REEP6: variants seen among roughly 807,000 people sequenced by gnomAD.
The protein encoded by REEP6 is receptor accessory protein 6.
A neutral mutation model predicts 22.4 loss-of-function variants in REEP6; 19 were observed. That is an observed-to-expected ratio of 0.85 (90% CI 0.59 to 1.25). The LOEUF (loss-of-function observed/expected upper bound fraction) is 1.25, where lower values mean the gene tolerates loss of function less well. REEP6 is among the 50% of genes most tolerant of loss of function. The pLI, the probability that REEP6 is intolerant of heterozygous loss-of-function variation, is 0.00. For missense variants in REEP6, 273 were observed against 251.9 expected (o/e 1.08, Z -0.57); for synonymous variants, 121 against 113.6 (o/e 1.06, Z -0.41).
In REEP6 at chr19:1,497,142, C is replaced by CCG; in HGVS notation, c.518-32_518-31insCG. ...CTCCGGGGAGCCCAGGCCTGCCTCACGGCCCTCCCCCACCCGCCCCTCTCT... is the reference window on the plus strand; with the variant it reads ...CTCCGGGGAGCCCAGGCCTGCCTCACCGGGCCCTCCCCCACCCGCCCCTCTCT... On this transcript the variant is annotated intron_variant, in intron 4 of 4. Transcript: ENST00000233596. The surrounding 1 kb of genome is among the most constrained non-coding windows in gnomAD (Gnocchi z 6.5). 4 of 1,354,858 alleles carry CCG rather than the reference C, an allele frequency of 3.0e-6. No individual in the cohort carries two copies. Among genetic ancestry groups the CCG allele is most frequent in the Non-Finnish European group, 4.0e-6 (4 of 1,010,686 alleles). 83.9% of individuals were successfully genotyped at this position (1,354,858 alleles called of 1,614,324 possible).
Position 1,494,832 on chromosome 19 carries a change from A to C in REEP6, c.116-462A>C, listed in dbSNP as rs532529237. On this transcript the variant is annotated intron_variant, in intron 1 of 4. Coordinates refer to ENST00000233596, the MANE Select transcript of REEP6 (RefSeq NM_138393.4). The stretch of plus-strand genomic sequence containing the variant: ...CCCCAGCAGCTGGGACTACAGGCAC[A>C]CACCGCCATGCCTGGCTAATCTTTT... Among the ~76,000 whole-genome samples, 846 of 152,234 alleles carry C rather than the reference A, an allele frequency of 5.6e-3. 1 individual carries two copies. Among genetic ancestry groups the C allele is most frequent in the Middle Eastern group, 0.017 (5 of 294 alleles).
chr19:1,496,246 C>A, intron 3 of REEP6, 39 bp from the exon 4 acceptor site: 1 of 1,575,722 alleles, frequency 6.3e-7, no homozygotes, highest in Non-Finnish European at 8.6e-7. Flanking sequence ...GGGCACAGAG[C>A]TGGGTGGGCC....
Position 1,497,787 on chromosome 19 carries a change from A to C in REEP6, c.*576A>C. ...CGAGCTGGTCCCCTGCCATTCCGGG[A>C]CCTCTCTGGAGTACACTTCGGAGTC... On this transcript the variant is annotated 3_prime_UTR_variant, in exon 5 of 5. Transcript: ENST00000233596. The surrounding 1 kb of genome is among the most constrained non-coding windows in gnomAD (Gnocchi z 6.5). 1 of 470,408 alleles carries C rather than the reference A, an allele frequency of 2.1e-6. No homozygotes were observed. The highest frequency in any genetic ancestry group is 2.3e-5 in the Admixed American group (1 of 42,560). 29.1% of individuals were successfully genotyped at this position (470,408 alleles called of 1,614,324 possible).
chr19:1,496,386 C>T lies in REEP6; in HGVS notation c.450C>T (p.Ala150=), dbSNP rs777984026. The change falls in exon 4 of 5, where the codon GCC becomes GCT. Residue 150 remains alanine (A), a synonymous_variant. Coordinates refer to ENST00000233596, the MANE Select transcript of REEP6 (RefSeq NM_138393.4). ...CGCTGTTCCTAAGGCACCACGGGGCCGTAGACAGAATCATGAACGACCTCA... is the reference window on the plus strand; with the variant it reads ...CGCTGTTCCTAAGGCACCACGGGGCTGTAGACAGAATCATGAACGACCTCA... ...VRPLFLRHHG[A]VDRIMNDLSG... is the part of the protein sequence containing the mutation. 13 of 1,613,072 alleles carry T rather than the reference C, an allele frequency of 8.1e-6. No individual in the cohort carries two copies. Among genetic ancestry groups the T allele is most frequent in the African/African-American group, 2.7e-5 (2 of 74,922 alleles).
At position 1,495,398 on chromosome 19, in the gene REEP6, G is replaced by A. The variant is rs201434057; in HGVS notation, c.209+11G>A. ...CCCCGCATATGCCTCGTGAGTGCAC[G>A]GCTGGCTGCCCACGCGGGGGGTTCT... On this transcript the variant is annotated intron_variant, in intron 2 of 4. Coordinates refer to ENST00000233596, the MANE Select transcript of REEP6 (RefSeq NM_138393.4). 59 of 1,613,688 alleles carry A rather than the reference G, an allele frequency of 3.7e-5. No homozygotes were observed. The highest frequency in any genetic ancestry group is 4.8e-5 in the Non-Finnish European group (57 of 1,180,024).
intron 3 of REEP6, 181 bp from the exon 4 acceptor site, chr19:1,496,104 C>T (rs1301784226): frequency 2.5e-5 from 18 of 710,996 alleles, no homozygotes; most frequent in Admixed American, 1.2e-4. Flanking sequence ...TATCTGATGG[C>T]GAAAACCCAG....
At position 1,491,308 on chromosome 19, in the gene REEP6, G is replaced by A; in HGVS notation, c.39G>A (p.Glu13=). ...GLRQRVEHFL[E]QRNLVTEVLG... ...GGCAGCGCGTGGAGCACTTCCTGGA[G>A]CAAAGGAACCTGGTCACCGAAGTGC... The change falls in exon 1 of 5, where the codon GAG becomes GAA. Residue 13 remains glutamate (E), a synonymous_variant. Transcript: ENST00000233596. This position sits in a 1 kb window ranked among gnomAD's most constrained non-coding sequence, Gnocchi z 5.4. 5 of 1,478,204 alleles carry A rather than the reference G, an allele frequency of 3.4e-6. No homozygotes were observed. Among genetic ancestry groups the A allele is most frequent in the East Asian group, 3.0e-5 (1 of 33,688 alleles). 91.6% of individuals were successfully genotyped at this position (1,478,204 alleles called of 1,614,324 possible). A position where few individuals can be genotyped will look rare whatever the true frequency, so the allele number is the denominator to read the frequency against.
At chr19:1,495,956 G>GC in intron 3 of REEP6, 2 of 533,106 alleles carry the variant, frequency 3.8e-6, no homozygotes, top group South Asian at 2.4e-5. Flanking sequence ...CACTTAAAGG[G>GC]TGTCTGATGG....
rs1029942510 is a variant in REEP6 at position 1,497,036 on chromosome 19, A to C, written c.518-138A>C. ...CCATGAAAGCCTCTGTGTGGTTGAC[A>C]CCATCTCTGCTGAGGGTGGCTGCCC... On this transcript the variant is annotated intron_variant, in intron 4 of 4. Transcript: ENST00000233596. This position sits in a 1 kb window ranked among gnomAD's most constrained non-coding sequence, Gnocchi z 6.5. 1 of 664,730 alleles carries C rather than the reference A, an allele frequency of 1.5e-6. No homozygotes were observed. Among genetic ancestry groups the C allele is most frequent in the Non-Finnish European group, 2.5e-6 (1 of 399,666 alleles). The allele number at this position is 664,730 out of a possible 1,614,324, so 41.2% of individuals were successfully genotyped here. A position where few individuals can be genotyped will look rare whatever the true frequency, so the allele number is the denominator to read the frequency against.
chr19:1,497,187 GA>G lies in REEP6; in HGVS notation c.532del (p.Thr178ProfsTer12). 8.1e-7 allele frequency: 1 copy of G among 1,231,640 alleles called. No homozygotes were observed. Among genetic ancestry groups the G allele is most frequent in the South Asian group, 1.5e-5 (1 of 65,970 alleles). 76.3% of individuals were successfully genotyped at this position (1,231,640 alleles called of 1,614,324 possible). Reference protein sequence around the residue: ...GITRNVKPSQTPQPKDK With the variant: ...GITRNVKPSQXPQPKDK ...CTCTCTCTGCAGTCAAGCCAAGCCA[GA>G]CCCCGCAGCCGAAGGACAAGTGAAG... On this transcript the variant is annotated frameshift_variant, in exon 5 of 5. Coordinates refer to ENST00000233596, the MANE Select transcript of REEP6 (RefSeq NM_138393.4). LOFTEE classifies it high-confidence loss of function. The surrounding 1 kb of genome is among the most constrained non-coding windows in gnomAD (Gnocchi z 6.5).
Position 1,495,384 on chromosome 19 carries a change from C to G in REEP6, c.206C>G (p.Ala69Gly). 6.2e-7 allele frequency: 1 copy of G among 1,613,846 alleles called. No homozygotes were observed. The highest frequency in any genetic ancestry group is 2.2e-5 in the East Asian group (1 of 44,888). ...NLIGFVYPAY[A>G]SIKAIESPSK... ...ATCGGATTTGTGTACCCCGCATATG[C>G]CTCGTGAGTGCACGGCTGGCTGCCC... Residue 69 changes from alanine (A) to glycine (G), a missense_variant, in exon 2 of 5, where the codon GCC becomes GGC. Ala to Gly is a moderately conservative substitution (Grantham distance 60, BLOSUM62 0). Coordinates refer to ENST00000233596, the MANE Select transcript of REEP6 (RefSeq NM_138393.4).
intron 3 of REEP6, 75 bp from the exon 4 acceptor site, chr19:1,496,210 A>T: frequency 6.7e-7 from 1 of 1,495,444 alleles, no homozygotes; most frequent in African/African-American, 1.4e-5. Context: ...CATCTGGTGG[A>T]GTGGTGCAGC....
rs987621874 is a variant in REEP6, at chr19:1,497,684, G to C, written c.*473G>C. ...CCCCCAGCAAGTCCTCTGGCAAGCC[G>C]GAGGACGCAGCCCCCAAGACCAGCG... On this transcript the variant is annotated 3_prime_UTR_variant, in exon 5 of 5. Coordinates refer to ENST00000233596, the MANE Select transcript of REEP6 (RefSeq NM_138393.4). This position sits in a 1 kb window ranked among gnomAD's most constrained non-coding sequence, Gnocchi z 6.5. 1 of 474,880 alleles carries C rather than the reference G, an allele frequency of 2.1e-6. No homozygotes were observed. Among genetic ancestry groups the C allele is most frequent in the Non-Finnish European group, 4.3e-6 (1 of 230,268 alleles). The allele number at this position is 474,880 out of a possible 1,614,324, so 29.4% of individuals were successfully genotyped here.
In REEP6 at chr19:1,497,713, A is replaced by G. The variant is rs753734659; in HGVS notation, c.*502A>G. 5.7e-5 allele frequency: 27 copies of G among 472,374 alleles called. No homozygotes were observed. The highest frequency in any genetic ancestry group is 1.0e-4 in the African/African-American group (5 of 50,120). The allele number at this position is 472,374 out of a possible 1,614,324, so 29.3% of individuals were successfully genotyped here. On this transcript the variant is annotated 3_prime_UTR_variant, in exon 5 of 5. Transcript: ENST00000233596. The surrounding 1 kb of genome is among the most constrained non-coding windows in gnomAD (Gnocchi z 6.5). ...GACGCAGCCCCCAAGACCAGCGGACAGCGCCAGAAGGAATCGTCGAAACAG... is the reference window on the plus strand; with the variant it reads ...GACGCAGCCCCCAAGACCAGCGGACGGCGCCAGAAGGAATCGTCGAAACAG...
intron 1 of REEP6, among the ~76,000 whole-genome samples, chr19:1,494,876 G>A (rs1273410563): frequency 6.6e-6 from 1 of 152,166 alleles, no homozygotes; most frequent in East Asian, 1.9e-4. Flanking sequence ...AGTAGAGATG[G>A]GGTTTCACCG....
chr19:1,493,339 G>A (rs1168500033), intron 1 of REEP6, among the ~76,000 whole-genome samples: 2 of 152,148 alleles, frequency 1.3e-5, no homozygotes, highest in African/African-American at 2.4e-5. Flanking sequence ...ACTCAGAGGG[G>A]ACAGTGACTG....
chr19:1,497,351 G>A lies in REEP6; in HGVS notation c.*140G>A. 1 of 833,116 alleles carries A rather than the reference G, an allele frequency of 1.2e-6. No homozygotes were observed. Among genetic ancestry groups the A allele is most frequent in the Non-Finnish European group, 2.0e-6 (1 of 491,672 alleles). The allele number at this position is 833,116 out of a possible 1,614,324, so 51.6% of individuals were successfully genotyped here. On this transcript the variant is annotated 3_prime_UTR_variant, in exon 5 of 5. Coordinates refer to ENST00000233596, the MANE Select transcript of REEP6 (RefSeq NM_138393.4). This position sits in a 1 kb window ranked among gnomAD's most constrained non-coding sequence, Gnocchi z 6.5. Reference sequence around the variant, plus strand: ...CCTCGGGTCCAGGCAAGGCCCTGGGGGTCTCCTTAAATGCCACCTCGGGCA... The same window carrying A: ...CCTCGGGTCCAGGCAAGGCCCTGGGAGTCTCCTTAAATGCCACCTCGGGCA...
chr19:1,497,416 C>G lies in REEP6; in HGVS notation c.*205C>G. 1 of 714,592 alleles carries G rather than the reference C, an allele frequency of 1.4e-6. No homozygotes were observed. 44.3% of individuals were successfully genotyped at this position (714,592 alleles called of 1,614,324 possible). A position where few individuals can be genotyped will look rare whatever the true frequency, so the allele number is the denominator to read the frequency against. On this transcript the variant is annotated 3_prime_UTR_variant, in exon 5 of 5. Coordinates refer to ENST00000233596, the MANE Select transcript of REEP6 (RefSeq NM_138393.4). The surrounding 1 kb of genome is among the most constrained non-coding windows in gnomAD (Gnocchi z 6.5). Reference sequence around the variant, plus strand: ...TCCTCGGCCACCCCCAGCTCTGGATCCCAGGGCCAGCTGCCCTCTGGCTCT... The same window carrying G: ...TCCTCGGCCACCCCCAGCTCTGGATGCCAGGGCCAGCTGCCCTCTGGCTCT...
chr19:1,497,012 C>T lies in REEP6; in HGVS notation c.518-162C>T, dbSNP rs572754507. On this transcript the variant is annotated intron_variant, in intron 4 of 4. Coordinates refer to ENST00000233596, the MANE Select transcript of REEP6 (RefSeq NM_138393.4). The surrounding 1 kb of genome is among the most constrained non-coding windows in gnomAD (Gnocchi z 6.5). ...GTGCACCCATCTGTGCATGGGTGACCATGAAAGCCTCTGTGTGGTTGACAC... is the reference window on the plus strand; with the variant it reads ...GTGCACCCATCTGTGCATGGGTGACTATGAAAGCCTCTGTGTGGTTGACAC... 6.6e-6 allele frequency among the ~76,000 whole-genome samples: 1 copy of T among 152,252 alleles called. No individual in the cohort carries two copies. The highest frequency in any genetic ancestry group is 2.4e-5 in the African/African-American group (1 of 41,542).
Sources: allele counts gnomAD v4.1 joint callset (sites outside exome capture counted in the v4.1 genomes callset), GRCh38; gene constraint gnomAD v4.1.1; non-coding constraint Gnocchi (gnomAD v3.1); transcripts MANE v1.5; gene names NCBI Gene and HGNC (gene_info 2026-07-23, HGNC 2026-07-21).